The following CAMTA1 variants were observed in gnomAD, a reference collection of about 807,000 sequenced individuals.
CAMTA1 encodes the protein calmodulin binding transcription activator 1.
CAMTA1 carries 27 observed loss-of-function variants against 170.9 expected under a neutral mutation model. That is an observed-to-expected ratio of 0.16 (90% CI 0.12 to 0.22). The LOEUF (loss-of-function observed/expected upper bound fraction) is 0.22. CAMTA1 is among the 10% of genes least tolerant of loss of function. The pLI, the probability that CAMTA1 is intolerant of heterozygous loss-of-function variation, is 1.00. For missense variants in CAMTA1, 1,619 were observed against 2,217.2 expected (o/e 0.73, Z 5.42); for synonymous variants, 833 against 891.5 (o/e 0.93, Z 1.17).
chr1:6,997,760 A>G (rs1404456330), intron 3 of CAMTA1, among the ~76,000 whole-genome samples: 1 of 147,716 alleles, frequency 6.8e-6, no homozygotes, highest in African/African-American at 2.5e-5. Context: ...TCCCGGGTTC[A>G]AGCGATTCTC....
chr1:7,369,830 T>C (rs2086300272), intron 5 of CAMTA1, among the ~76,000 whole-genome samples: 1 of 152,140 alleles, frequency 6.6e-6, no homozygotes, highest in South Asian at 2.1e-4. Context: ...AAAGACACTC[T>C]CACCTGATCA....
intron 5 of CAMTA1, among the ~76,000 whole-genome samples, chr1:7,383,318 C>G (rs2087562544): frequency 1.3e-5 from 2 of 152,228 alleles, no homozygotes; most frequent in Non-Finnish European, 2.9e-5. Flanking sequence ...GAACATTTCT[C>G]TGTGCACTTA....
At position 6,837,895 on chromosome 1, in the gene CAMTA1, A is replaced by G. The variant is rs191161963; in HGVS notation, c.234+12685A>G. Among the ~76,000 whole-genome samples the G allele has an allele frequency of 7.9e-4, 120 of 152,330 alleles. 1 individual carries two copies. The highest frequency in any genetic ancestry group is 1.0e-3 in the Non-Finnish European group (68 of 68,020). On this transcript the variant is annotated intron_variant, in intron 3 of 22. Coordinates refer to ENST00000303635, the MANE Select transcript of CAMTA1 (RefSeq NM_015215.4). ...ATTTCATAAATGGGGGTAGTGAGGC[A>G]TAAGTGTTTTGGAATTAGCATTTGT...
chr1:7,492,211 G>T (rs1244054683), intron 6 of CAMTA1, among the ~76,000 whole-genome samples: 1 of 152,182 alleles, frequency 6.6e-6, no homozygotes, highest in Non-Finnish European at 1.5e-5. Flanking sequence ...GAAGGCCAGG[G>T]CGATACACTC....
chr1:7,501,159 C>T (rs762202867), intron 6 of CAMTA1, among the ~76,000 whole-genome samples: 1 of 152,128 alleles, frequency 6.6e-6, no homozygotes, highest in Non-Finnish European at 1.5e-5. Flanking sequence ...CTAGGGCATT[C>T]TCCCCAGACC....
chr1:6,964,505 G>C (rs1363076102), intron 3 of CAMTA1, among the ~76,000 whole-genome samples: 2 of 152,168 alleles, frequency 1.3e-5, no homozygotes, highest in Non-Finnish European at 2.9e-5. Flanking sequence ...TTTCTTGGGT[G>C]GAAAAGCCAT....
At chr1:6,967,335 G>T (rs1465860028) in intron 3 of CAMTA1, among the ~76,000 whole-genome samples, 1 of 151,960 alleles carries the variant, frequency 6.6e-6, no homozygotes. Flanking sequence ...AGACATAGGG[G>T]GTTGATGAAG....
At chr1:6,863,711 A>T (rs1282420541) in intron 3 of CAMTA1, among the ~76,000 whole-genome samples, 3 of 152,206 alleles carry the variant, frequency 2.0e-5, no homozygotes, top group African/African-American at 4.8e-5. Context: ...TGCACTCCAC[A>T]CCTGTTTCCC....
chr1:7,729,964 C>T (rs2096719431), intron 11 of CAMTA1, among the ~76,000 whole-genome samples: 1 of 152,186 alleles, frequency 6.6e-6, no homozygotes, highest in Non-Finnish European at 1.5e-5. Flanking sequence ...ATTCAGATGA[C>T]TGTATTTTGA....
chr1:7,716,584 A>C (rs2096611494), intron 11 of CAMTA1, among the ~76,000 whole-genome samples: 1 of 152,192 alleles, frequency 6.6e-6, no homozygotes, highest in Non-Finnish European at 1.5e-5. Context: ...GTATTCAGAA[A>C]AATACATATT....
At chr1:7,657,921 G>A (rs1023166651) in intron 7 of CAMTA1, among the ~76,000 whole-genome samples, 1 of 152,238 alleles carries the variant, frequency 6.6e-6, no homozygotes, top group African/African-American at 2.4e-5. Flanking sequence ...ATAAGGAGGA[G>A]AACAAGAGGC....
At position 7,692,669 on chromosome 1, in the gene CAMTA1, A is replaced by AT. The variant is rs533422715; in HGVS notation, c.2914+14937dup. Among the ~76,000 whole-genome samples the AT allele has an allele frequency of 3.2e-3, 489 of 152,300 alleles. 3 individuals carry two copies. The highest frequency in any genetic ancestry group is 0.011 in the African/African-American group (472 of 41,568). On this transcript the variant is annotated intron_variant, in intron 11 of 22. Coordinates refer to ENST00000303635, the MANE Select transcript of CAMTA1 (RefSeq NM_015215.4). ...CCAGGCCCCAGGCCTGGTGCTTCAC[A>AT]TCATGGCCCTGTTGAAGCCTCCCAG...
At position 7,093,445 on chromosome 1, in the gene CAMTA1, G is replaced by A. The variant is rs1217739293; in HGVS notation, c.302+2074G>A. Among the ~76,000 whole-genome samples, 3 of 152,012 alleles carry A rather than the reference G, an allele frequency of 2.0e-5. No individual in the cohort carries two copies. The highest frequency in any genetic ancestry group is 1.9e-4 in the East Asian group (1 of 5,168). On this transcript the variant is annotated intron_variant, in intron 4 of 22. Coordinates refer to ENST00000303635, the MANE Select transcript of CAMTA1 (RefSeq NM_015215.4). The surrounding 1 kb of genome is among the most constrained non-coding windows in gnomAD (Gnocchi z 4.6). ...CCTCTCCTTGCGCCCTTCACTCTCC[G>A]CTGAAACACTCCTTGAATCTAAGTG...
chr1:7,622,377 C>T (rs555253285), intron 6 of CAMTA1, among the ~76,000 whole-genome samples: 1 of 152,380 alleles, frequency 6.6e-6, no homozygotes, highest in Middle Eastern at 3.4e-3. Flanking sequence ...TTCCACTCCA[C>T]ATCCAAGTTC....
chr1:7,071,145 A>G (rs905039224), intron 3 of CAMTA1, among the ~76,000 whole-genome samples: 2 of 152,330 alleles, frequency 1.3e-5, no homozygotes, highest in East Asian at 3.9e-4. Flanking sequence ...CAAGGTCATC[A>G]GTGACAAATG....
chr1:7,513,712 C>T (rs955479493), intron 6 of CAMTA1, among the ~76,000 whole-genome samples: 2 of 152,058 alleles, frequency 1.3e-5, no homozygotes, highest in African/African-American at 2.4e-5. Context: ...CACCTGAGGT[C>T]GGGATATTGA....
At chr1:7,461,158 G>T (rs1300659355) in intron 5 of CAMTA1, among the ~76,000 whole-genome samples, 1 of 152,314 alleles carries the variant, frequency 6.6e-6, no homozygotes, top group African/African-American at 2.4e-5. Context: ...AATGAGCTTT[G>T]CCATCACAGG....
chr1:6,863,189 T>C (rs1280275422), intron 3 of CAMTA1, among the ~76,000 whole-genome samples: 1 of 152,230 alleles, frequency 6.6e-6, no homozygotes, highest in Non-Finnish European at 1.5e-5. Flanking sequence ...TAAGATCTGC[T>C]TATTAATTTG....
intron 5 of CAMTA1, among the ~76,000 whole-genome samples, chr1:7,303,902 A>T (rs1179254819): frequency 6.6e-6 from 1 of 152,222 alleles, no homozygotes; most frequent in East Asian, 1.9e-4. Flanking sequence ...CTTTGAGATC[A>T]CAGAACAACC....
Sources: gnomAD v4.1 joint callset for allele counts (sites outside exome capture counted in the v4.1 genomes callset) on GRCh38, gnomAD v4.1.1 for gene constraint, Gnocchi (gnomAD v3.1) non-coding constraint, MANE v1.5 for transcripts, NCBI Gene and HGNC (gene_info 2026-07-23, HGNC 2026-07-21) for gene names.